The following CYP26B1 variants were observed in gnomAD, a reference collection of about 807,000 sequenced individuals.
CYP26B1 encodes cytochrome P450 family 26 subfamily B member 1, also known as cytochrome P450 26B1.
Under a neutral mutation model 39.1 loss-of-function variants are expected in CYP26B1, and 8 were observed. That is an observed-to-expected ratio of 0.20 (90% CI 0.12 to 0.37). The LOEUF is 0.37. CYP26B1 is among the 10% of genes least tolerant of loss of function. The pLI is 1.00. For missense variants in CYP26B1, 615 were observed against 707.0 expected, an observed-to-expected ratio of 0.87 and a Z score of 1.48; for synonymous variants, 321 against 314.3, an observed-to-expected ratio of 1.02 and a Z score of -0.23.
intron 2 of CYP26B1, among the ~76,000 whole-genome samples, chr2:72,139,851 T>C (rs937651663): frequency 6.6e-6 from 1 of 152,120 alleles, no homozygotes; most frequent in Non-Finnish European, 1.5e-5. Flanking sequence ...TCCATAGAGC[T>C]GCCCTCTGCC....
Position 72,132,446 on chromosome 2 carries a change from G to A in CYP26B1, c.1320C>T (p.Thr440=), listed in dbSNP as rs762611388. The A allele has an allele frequency of 2.6e-5, 42 of 1,613,308 alleles. No homozygotes were observed. The highest frequency in any genetic ancestry group is 3.6e-5 in the Non-Finnish European group (42 of 1,179,758). ...GCTTGGCCAGGTGCTTGCCCAGGCAGGTCCGGACACCGCCACCGAACGGGA... is the reference window on the plus strand; with the variant it reads ...GCTTGGCCAGGTGCTTGCCCAGGCAAGTCCGGACACCGCCACCGAACGGGA... ...HYLPFGGGVR[T]CLGKHLAKLF... is the part of the protein sequence containing the mutation. Residue 440 remains threonine, a synonymous_variant, in exon 6 of 6, where the codon ACC becomes ACT. Coordinates refer to ENST00000001146, the MANE Select transcript of CYP26B1 (RefSeq NM_019885.4).
chr2:72,137,389 C>T (rs1190117201), intron 2 of CYP26B1, among the ~76,000 whole-genome samples: 1 of 152,216 alleles, frequency 6.6e-6, no homozygotes, highest in Non-Finnish European at 1.5e-5. Flanking sequence ...GATGGCCTCC[C>T]TTCAATCCAC....
At chr2:72,142,593 C>T (rs746535826) in intron 2 of CYP26B1, among the ~76,000 whole-genome samples, 5 of 152,194 alleles carry the variant, frequency 3.3e-5, no homozygotes, top group African/African-American at 4.8e-5. Context: ...AGGAAGCAGC[C>T]ATCTCTTTTG....
intron 1 of CYP26B1, chr2:72,144,479 A>G: frequency 4.0e-6 from 5 of 1,264,676 alleles, no homozygotes; most frequent in Non-Finnish European, 5.0e-6. Context: ...TTCGAGAGGA[A>G]AGAGGTATCC....
Position 72,129,834 on chromosome 2 carries a change from A to ACG in CYP26B1, c.*2392_*2393insCG, listed in dbSNP as rs1676506810. 1.4e-5 allele frequency: 2 copies of ACG among 141,776 alleles called. No homozygotes were observed. Among genetic ancestry groups the ACG allele is most frequent in the Non-Finnish European group, 3.0e-5 (2 of 66,310 alleles). 8.8% of individuals were successfully genotyped at this position (141,776 alleles called of 1,614,324 possible). On this transcript the variant is annotated 3_prime_UTR_variant, in exon 6 of 6. Transcript: ENST00000001146. ...ACCCATCTAATGCTAGCTGTATGAA[A>ACG]CACACACGCACACGCACAGACACGG... is the stretch of plus-strand genomic sequence containing the variant.
chr2:72,132,701 C>T (rs936719527), intron 5 of CYP26B1, 82 bp from the exon 6 acceptor site: 139 of 1,525,382 alleles, frequency 9.1e-5, no homozygotes, highest in Non-Finnish European at 1.2e-4. Context: ...CCTCCCTGCT[C>T]AGCCCCAGAT....
At chr2:72,138,984 C>T (rs1309670549) in intron 2 of CYP26B1, among the ~76,000 whole-genome samples, 3 of 152,260 alleles carry the variant, frequency 2.0e-5, no homozygotes, top group Non-Finnish European at 4.4e-5. Flanking sequence ...CTGCCTCTCA[C>T]CCCGTGCCCT....
At chr2:72,132,712 G>T in intron 5 of CYP26B1, 93 bp from the exon 6 acceptor site, 1 of 1,508,864 alleles carries the variant, frequency 6.6e-7, no homozygotes, top group Non-Finnish European at 8.9e-7. Flanking sequence ...AGCCCCAGAT[G>T]TTCAAGACCT....
At chr2:72,133,836 G>A (rs1423521151) in intron 4 of CYP26B1, among the ~76,000 whole-genome samples, 1 of 152,196 alleles carries the variant, frequency 6.6e-6, no homozygotes, top group African/African-American at 2.4e-5. Context: ...CACTCCCCTG[G>A]AGACCTGGGA....
intron 2 of CYP26B1, among the ~76,000 whole-genome samples, chr2:72,137,543 AG>A (rs1454228899): frequency 1.3e-5 from 2 of 151,784 alleles, no homozygotes; most frequent in Non-Finnish European, 2.9e-5. Flanking sequence ...AGTGGCCAGG[AG>A]GGGCCATCCC....
Position 72,136,148 on chromosome 2 carries a change from C to T in CYP26B1, c.430-729G>A, listed in dbSNP as rs145787031. Among the ~76,000 whole-genome samples the T allele has an allele frequency of 4.3e-3, 659 of 152,244 alleles. 4 individuals are homozygous for T. The highest frequency in any genetic ancestry group is 7.2e-3 in the Non-Finnish European group (491 of 68,022). On this transcript the variant is annotated intron_variant, in intron 2 of 5. Coordinates refer to ENST00000001146, the MANE Select transcript of CYP26B1 (RefSeq NM_019885.4). ...TTCATGTGTGGAGGAGAGGGGAGCACGTTAGTTTATTTACCAAAAGCCTGT... is the reference window on the plus strand; with the variant it reads ...TTCATGTGTGGAGGAGAGGGGAGCATGTTAGTTTATTTACCAAAAGCCTGT...
chr2:72,135,714 C>T (rs891950289), intron 2 of CYP26B1, among the ~76,000 whole-genome samples: 11 of 152,108 alleles, frequency 7.2e-5, no homozygotes, highest in African/African-American at 1.4e-4. Flanking sequence ...GGAGCACAGT[C>T]GTTGGACTGT....
Position 72,134,750 on chromosome 2 carries a change from G to A in CYP26B1, c.861+11C>T, listed in dbSNP as rs908816466. 10 of 1,610,156 alleles carry A rather than the reference G, an allele frequency of 6.2e-6. No homozygotes were observed. Among genetic ancestry groups the A allele is most frequent in the Admixed American group, 3.4e-5 (2 of 59,324 alleles). On this transcript the variant is annotated intron_variant, in intron 4 of 5. Coordinates refer to ENST00000001146, the MANE Select transcript of CYP26B1 (RefSeq NM_019885.4). ...CTGGTGCTGCCCGTGAGGGGCACAC[G>A]CCCACCCCACCTTCAGCTCCTGCAT... is the stretch of plus-strand genomic sequence containing the variant.
intron 5 of CYP26B1, 139 bp from the exon 6 acceptor site, chr2:72,132,758 G>A: frequency 6.8e-7 from 1 of 1,467,546 alleles, no homozygotes; most frequent in South Asian, 1.4e-5. Context: ...TGGCCCCCAA[G>A]GCCTGGCCAG....
chr2:72,135,989 G>A (rs1676760623), intron 2 of CYP26B1, among the ~76,000 whole-genome samples: 1 of 152,152 alleles, frequency 6.6e-6, no homozygotes, highest in Non-Finnish European at 1.5e-5. Context: ...GAAGCCCTGT[G>A]ACTTCCCTGC....
chr2:72,132,913 G>C (rs1300103348), intron 5 of CYP26B1, 110 bp downstream of exon 5: 3 of 1,539,812 alleles, frequency 1.9e-6, no homozygotes, highest in Non-Finnish European at 1.8e-6. Context: ...AGCAAGCACT[G>C]TTTCCCCATC....
intron 4 of CYP26B1, among the ~76,000 whole-genome samples, chr2:72,133,831 C>T (rs1676673595): frequency 1.3e-5 from 2 of 152,142 alleles, no homozygotes; most frequent in Non-Finnish European, 2.9e-5. Flanking sequence ...GGGGCCACTC[C>T]CCTGGAGACC....
Position 72,132,216 on chromosome 2 carries a change from T to C in CYP26B1, c.*11A>G. On this transcript the variant is annotated 3_prime_UTR_variant, in exon 6 of 6. Transcript: ENST00000001146. ...GCTGCCTGGGCTGGGCTGAGGCGGG[T>C]GGGTCTTGGGTTAGACTGTGGCGCT... is the stretch of plus-strand genomic sequence containing the variant. 1 of 1,587,300 alleles carries C rather than the reference T, an allele frequency of 6.3e-7. No individual in the cohort carries two copies. The highest frequency in any genetic ancestry group is 1.1e-5 in the South Asian group (1 of 87,284).
At chr2:72,139,819 C>A (rs1676886531) in intron 2 of CYP26B1, among the ~76,000 whole-genome samples, 1 of 152,248 alleles carries the variant, frequency 6.6e-6, no homozygotes, top group African/African-American at 2.4e-5. Context: ...TCCTGAACTC[C>A]CTGCCTCCCA....
Sources: gnomAD v4.1 joint callset for allele counts (sites outside exome capture counted in the v4.1 genomes callset) on GRCh38, gnomAD v4.1.1 for gene constraint, MANE v1.5 for transcripts, NCBI Gene and HGNC (gene_info 2026-07-23, HGNC 2026-07-21) for gene names.